The following SLC5A5 variants were observed in gnomAD, a reference collection of about 807,000 sequenced individuals.
The protein encoded by SLC5A5 is solute carrier family 5 member 5.
SLC5A5 carries 56 observed loss-of-function variants against 68.6 expected under a neutral mutation model. That is an observed-to-expected ratio of 0.82 (90% CI 0.66 to 1.02). The LOEUF (loss-of-function observed/expected upper bound fraction) is 1.02. Ranked by LOEUF, SLC5A5 falls within the 50% of genes least tolerant of loss-of-function variation. SLC5A5 has a pLI of 0.00. For synonymous variants in SLC5A5, 398 were observed against 373.0 expected, an observed-to-expected ratio of 1.07 and a Z score of -0.77; for missense variants, 807 against 859.8, an observed-to-expected ratio of 0.94 and a Z score of 0.77.
chr19:17,889,446 G>GGAAGGA (rs1568426180), intron 13 of SLC5A5, among the ~76,000 whole-genome samples: 2 of 150,608 alleles, frequency 1.3e-5, no homozygotes, highest in African/African-American at 4.9e-5. Flanking sequence ...AGGAAGGAAA[G>GGAAGGA]AGAAAGAGAG....
chr19:17,882,035 G>T lies in SLC5A5; in HGVS notation c.1134G>T (p.Leu378=), dbSNP rs1393300430. The change falls in exon 9 of 15, where the codon CTG becomes CTT. Residue 378 remains leucine, a synonymous_variant. Coordinates refer to ENST00000222248, the MANE Select transcript of SLC5A5 (RefSeq NM_000453.3). ...EDLIKPRLRS[L]APRKLVIISK... The stretch of plus-strand genomic sequence containing the variant: ...TCATCAAACCTCGGCTGCGGAGCCT[G>T]GCACCCAGGAAACTCGTGATTATCT... The T allele has an allele frequency of 6.2e-7, 1 of 1,614,058 alleles. No individual in the cohort carries two copies. Among genetic ancestry groups the T allele is most frequent in the African/African-American group, 1.3e-5 (1 of 74,936 alleles).
At chr19:17,872,726 G>C (rs2094297423) in intron 1 of SLC5A5, 50 bp downstream of exon 1, 1 of 1,195,880 alleles carries the variant, frequency 8.4e-7, no homozygotes, top group East Asian at 2.3e-5. Context: ...GCAGTGCTGG[G>C]ACCCCGTGTG....
intron 13 of SLC5A5, among the ~76,000 whole-genome samples, chr19:17,890,267 C>T (rs2030113209): frequency 6.6e-6 from 1 of 151,944 alleles, no homozygotes; most frequent in Non-Finnish European, 1.5e-5. Context: ...AATGGGGTTT[C>T]GCCATGTTGG....
chr19:17,894,009 T>C lies in SLC5A5; in HGVS notation c.*132T>C. 1.1e-6 allele frequency: 1 copy of C among 870,530 alleles called. No individual in the cohort carries two copies. Among genetic ancestry groups the C allele is most frequent in the Non-Finnish European group, 1.8e-6 (1 of 544,868 alleles). The allele number at this position is 870,530 out of a possible 1,614,324, so 53.9% of individuals were successfully genotyped here. ...TATGCAAATGAGTTCAGGACTACAA[T>C]ACCCTACCCTATGGGGAGGCCCTGC... is the stretch of plus-strand genomic sequence containing the variant. On this transcript the variant is annotated 3_prime_UTR_variant, in exon 15 of 15. Coordinates refer to ENST00000222248, the MANE Select transcript of SLC5A5 (RefSeq NM_000453.3).
In SLC5A5 at chr19:17,893,810, G is replaced by A; in HGVS notation, c.1865G>A (p.Gly622Glu). Residue 622 changes from glycine (G) to glutamate (E), a missense_variant, in exon 15 of 15, where the codon GGG becomes GAG. Gly to Glu is a moderately conservative substitution (Grantham distance 98). Transcript: ENST00000222248. ...LFFLGQKELE[G>E]AGSWTPCVGH... ...TTCTTGGGGCAGAAGGAGCTGGAGG[G>A]GGCTGGCTCTTGGACCCCCTGTGTT... 6.2e-7 allele frequency: 1 copy of A among 1,607,510 alleles called. No homozygotes were observed. The highest frequency in any genetic ancestry group is 8.5e-7 in the Non-Finnish European group (1 of 1,176,510).
chr19:17,877,717 A>G lies in SLC5A5; in HGVS notation c.699-6A>G. 3.1e-6 allele frequency: 5 copies of G among 1,613,940 alleles called. No homozygotes were observed. Among genetic ancestry groups the G allele is most frequent in the Non-Finnish European group, 4.2e-6 (5 of 1,179,992 alleles). ...CACGTGGCTAACTTGCCCTGTCCCC[A>G]CCCAGCTTTAACCCTGACCCGAGGA... is the stretch of plus-strand genomic sequence containing the variant. On this transcript the variant is annotated splice_region_variant and splice_polypyrimidine_tract_variant and intron_variant, in intron 5 of 14. Coordinates refer to ENST00000222248, the MANE Select transcript of SLC5A5 (RefSeq NM_000453.3).
Position 17,893,892 on chromosome 19 carries a change from G to C in SLC5A5, c.*15G>C. The C allele has an allele frequency of 6.4e-7, 1 of 1,553,788 alleles. No individual in the cohort carries two copies. Among genetic ancestry groups the C allele is most frequent in the Non-Finnish European group, 8.7e-7 (1 of 1,147,602 alleles). ...CAAACCTCTGAGGACAGGGCCAGCCGCGGGACTGACACCCTGGGATGGAAC... is the reference window on the plus strand; with the variant it reads ...CAAACCTCTGAGGACAGGGCCAGCCCCGGGACTGACACCCTGGGATGGAAC... On this transcript the variant is annotated 3_prime_UTR_variant, in exon 15 of 15. Coordinates refer to ENST00000222248, the MANE Select transcript of SLC5A5 (RefSeq NM_000453.3).
rs571360540 is a variant in SLC5A5 at position 17,881,941 on chromosome 19, C to G, written c.1059-19C>G. ...CTCTCCATATGGCCTGAGGACCCCC[C>G]GCTGCCTTCCTCACACAGCACAGCA... On this transcript the variant is annotated intron_variant, in intron 8 of 14. Coordinates refer to ENST00000222248, the MANE Select transcript of SLC5A5 (RefSeq NM_000453.3). 6 of 1,589,150 alleles carry G rather than the reference C, an allele frequency of 3.8e-6. No homozygotes were observed. Among genetic ancestry groups the G allele is most frequent in the Non-Finnish European group, 5.2e-6 (6 of 1,157,850 alleles).
At chr19:17,887,897 C>T (rs953274942) in intron 12 of SLC5A5, among the ~76,000 whole-genome samples, 29 of 152,278 alleles carry the variant, frequency 1.9e-4, no homozygotes, top group African/African-American at 6.0e-4. Context: ...TGAGCCACCA[C>T]GCCCAGCCAG....
chr19:17,888,587 CCTT>C lies in SLC5A5; in HGVS notation c.1651+133_1651+135del, dbSNP rs1367480718. ...CCACTGTGTGCTGTACACATTTGTA[CCTT>C]ATTATTATTATTATTATTATTATTA... On this transcript the variant is annotated intron_variant, in intron 13 of 14. Coordinates refer to ENST00000222248, the MANE Select transcript of SLC5A5 (RefSeq NM_000453.3). 0.014 allele frequency: 7,727 copies of C among 572,258 alleles called. 408 individuals are homozygous for C. In the African/African-American group the frequency reaches 0.14, roughly 10 times the overall value. 35.4% of individuals were successfully genotyped at this position (572,258 alleles called of 1,614,324 possible).
intron 10 of SLC5A5, among the ~76,000 whole-genome samples, 165 bp downstream of exon 10, chr19:17,882,384 G>A (rs1437453479): frequency 6.6e-6 from 1 of 151,106 alleles, no homozygotes; most frequent in African/African-American, 2.4e-5. Context: ...GTCCCAGGTT[G>A]GTGAGCAGAG....
chr19:17,889,249 A>T lies in SLC5A5; in HGVS notation c.1651+794A>T, dbSNP rs1013790661. Among the ~76,000 whole-genome samples, 29 of 151,884 alleles carry T rather than the reference A, an allele frequency of 1.9e-4. 1 individual carries two copies. The highest frequency in any genetic ancestry group is 6.8e-3 in the Middle Eastern group (2 of 294). ...CCGTCTCTACTAAAAATACAAAAAAATTAGCTGGGCATGGTGGCAGGCGCC... is the reference window on the plus strand; with the variant it reads ...CCGTCTCTACTAAAAATACAAAAAATTTAGCTGGGCATGGTGGCAGGCGCC... On this transcript the variant is annotated intron_variant, in intron 13 of 14. Transcript: ENST00000222248.
chr19:17,884,273 G>A (rs930448777), intron 12 of SLC5A5, among the ~76,000 whole-genome samples: 2 of 152,112 alleles, frequency 1.3e-5, no homozygotes, highest in Non-Finnish European at 2.9e-5. Flanking sequence ...GGGAGATATG[G>A]TGCAGCCAGA....
rs1378436682 is a variant in SLC5A5 at position 17,872,436 on chromosome 19, C to T, written c.117C>T (p.Gly39=). 3.1e-6 allele frequency: 5 copies of T among 1,608,412 alleles called. No individual in the cohort carries two copies. Among genetic ancestry groups the T allele is most frequent in the African/African-American group, 1.3e-5 (1 of 74,798 alleles). The change falls in exon 1 of 15, where the codon GGC becomes GGT. Residue 39 remains glycine, a synonymous_variant. Transcript: ENST00000222248. ...GGCTGTGGGTCGGGCTGGCTCGGGGCGGGCAGCGCAGCGCTGAGGACTTCT... is the reference window on the plus strand; with the variant it reads ...GGCTGTGGGTCGGGCTGGCTCGGGGTGGGCAGCGCAGCGCTGAGGACTTCT... The part of the protein sequence containing the change: ...GIGLWVGLAR[G]GQRSAEDFFT...
intron 1 of SLC5A5, among the ~76,000 whole-genome samples, chr19:17,873,137 T>TCC (rs2094298458): frequency 6.6e-6 from 1 of 152,144 alleles, no homozygotes; most frequent in Admixed American, 6.5e-5. Flanking sequence ...TTACAGGACC[T>TCC]CCCTCCAGGG....
In SLC5A5 at chr19:17,894,020, A is replaced by T; in HGVS notation, c.*143A>T. 1.2e-6 allele frequency: 1 copy of T among 812,200 alleles called. No individual in the cohort carries two copies. The highest frequency in any genetic ancestry group is 1.6e-5 in the South Asian group (1 of 64,064). The allele number at this position is 812,200 out of a possible 1,614,324, so 50.3% of individuals were successfully genotyped here. A position where few individuals can be genotyped will look rare whatever the true frequency, so the allele number is the denominator to read the frequency against. On this transcript the variant is annotated 3_prime_UTR_variant, in exon 15 of 15. Transcript: ENST00000222248. ...GTTCAGGACTACAATACCCTACCCT[A>T]TGGGGAGGCCCTGCCTCCGGGAGGT...
At chr19:17,889,438 G>A (rs2030069326) in intron 13 of SLC5A5, among the ~76,000 whole-genome samples, 1 of 148,662 alleles carries the variant, frequency 6.7e-6, no homozygotes, top group South Asian at 2.1e-4. Context: ...AGGAAGGAAG[G>A]AAGGAAAGAG....
Position 17,893,930 on chromosome 19 carries a change from C to A in SLC5A5, c.*53C>A, listed in dbSNP as rs745528456. ...CCTGGGATGGAACCTCAGGATGGGC[C>A]AAACCCAGACAACGGGCCCATGGCC... On this transcript the variant is annotated 3_prime_UTR_variant, in exon 15 of 15. Coordinates refer to ENST00000222248, the MANE Select transcript of SLC5A5 (RefSeq NM_000453.3). The A allele has an allele frequency of 6.6e-6, 10 of 1,508,992 alleles. No homozygotes were observed. The highest frequency in any genetic ancestry group is 8.1e-6 in the Non-Finnish European group (9 of 1,108,708). 93.5% of individuals were successfully genotyped at this position (1,508,992 alleles called of 1,614,324 possible). A position where few individuals can be genotyped will look rare whatever the true frequency, so the allele number is the denominator to read the frequency against.
At position 17,881,947 on chromosome 19, in the gene SLC5A5, C is replaced by T. The variant is rs1395303374; in HGVS notation, c.1059-13C>T. ...ATATGGCCTGAGGACCCCCCGCTGC[C>T]TTCCTCACACAGCACAGCATCCACC... On this transcript the variant is annotated splice_polypyrimidine_tract_variant and intron_variant, in intron 8 of 14. Coordinates refer to ENST00000222248, the MANE Select transcript of SLC5A5 (RefSeq NM_000453.3). 1.9e-6 allele frequency: 3 copies of T among 1,603,090 alleles called. No individual in the cohort carries two copies. The highest frequency in any genetic ancestry group is 2.7e-5 in the African/African-American group (2 of 74,874).
Sources: allele counts gnomAD v4.1 joint callset (sites outside exome capture counted in the v4.1 genomes callset), GRCh38; gene constraint gnomAD v4.1.1; transcripts MANE v1.5; gene names NCBI Gene and HGNC (gene_info 2026-07-23, HGNC 2026-07-21).